The following FGD4 variants were observed in gnomAD, a reference collection of about 807,000 sequenced individuals.
FGD4 encodes FYVE, RhoGEF and PH domain-containing protein 4.
A neutral mutation model predicts 102.0 loss-of-function variants in FGD4; 42 were observed. The observed-to-expected ratio is 0.41, with a 90% confidence interval of 0.32 to 0.53. FGD4 has a LOEUF of 0.53. FGD4 is among the 20% of genes least tolerant of loss of function. The pLI is 0.21. For missense variants in FGD4, 902 were observed against 1,078.2 expected (o/e 0.84, Z 2.29); for synonymous variants, 380 against 375.7 (o/e 1.01, Z -0.13).
At chr12:32,526,112 C>T (rs1015510749) in intron 1 of FGD4, among the ~76,000 whole-genome samples, 7 of 152,238 alleles carry the variant, frequency 4.6e-5, no homozygotes, top group African/African-American at 1.7e-4. Context: ...GCGGGATCCA[C>T]TAGGTGAAGC....
chr12:32,601,537 T>G (rs767128303), intron 6 of FGD4, 114 bp downstream of exon 6: 1 of 1,283,602 alleles, frequency 7.8e-7, no homozygotes, highest in African/African-American at 1.5e-5. Flanking sequence ...TATGCTAAAT[T>G]TTTACATTAA....
rs1435008687 is a variant in FGD4 at position 32,453,228 on chromosome 12, T to TAG, written c.166+53270_166+53271insGA. On this transcript the variant is annotated intron_variant, in intron 1 of 16. Transcript: ENST00000534526. Reference sequence around the variant, plus strand: ...TATATATATATATATATAATATAGATATATATATATTTTTTTTTTTTTAAA... The same window carrying TAG: ...TATATATATATATATATAATATAGATAGATATATATATTTTTTTTTTTTTAAA... 2.7e-3 allele frequency among the ~76,000 whole-genome samples: 140 copies of TAG among 51,848 alleles called. 1 individual carries two copies. Among genetic ancestry groups the TAG allele is most frequent in the African/African-American group, 0.01 (136 of 13,290 alleles). The allele number at this position is 51,848 out of a possible 152,430, so 34.0% of individuals were successfully genotyped here. A position where few individuals can be genotyped will look rare whatever the true frequency, so the allele number is the denominator to read the frequency against.
chr12:32,412,899 ATTTTT>A (rs869107334), intron 1 of FGD4, among the ~76,000 whole-genome samples: 52 of 86,988 alleles, frequency 6.0e-4, no homozygotes, highest in African/African-American at 2.3e-3. Flanking sequence ...TTTTCTAGAA[ATTTTT>A]TTTTTTTTTT....
chr12:32,489,671 A>G (rs1944024569), intron 1 of FGD4, among the ~76,000 whole-genome samples: 2 of 152,206 alleles, frequency 1.3e-5, no homozygotes, highest in African/African-American at 4.8e-5. Flanking sequence ...ACAGGTGCTT[A>G]TTGAGCACCT....
chr12:32,507,889 C>G (rs1317138905), intron 1 of FGD4, among the ~76,000 whole-genome samples: 2 of 152,170 alleles, frequency 1.3e-5, no homozygotes, highest in African/African-American at 4.8e-5. Flanking sequence ...GTAATAATCC[C>G]TGAATGTTGA....
chr12:32,576,508 A>C (rs1946139290), intron 3 of FGD4, 59 bp downstream of exon 3: 2 of 1,559,664 alleles, frequency 1.3e-6, no homozygotes, highest in Non-Finnish European at 1.8e-6. Flanking sequence ...TTTTCGAAAA[A>C]ATGATAGTCA....
intron 1 of FGD4, among the ~76,000 whole-genome samples, chr12:32,528,932 T>C (rs376833470): frequency 6.6e-6 from 1 of 152,140 alleles, no homozygotes; most frequent in East Asian, 1.9e-4. Flanking sequence ...AAAGAGGTGA[T>C]AGAAAACTTT....
At chr12:32,596,690 C>T (rs796814128) in intron 4 of FGD4, among the ~76,000 whole-genome samples, 1 of 151,626 alleles carries the variant, frequency 6.6e-6, no homozygotes, top group Non-Finnish European at 1.5e-5. Context: ...AATCCCAGCA[C>T]TTTGCGGGGC....
chr12:32,571,850 G>C (rs73100149), intron 2 of FGD4, among the ~76,000 whole-genome samples: 26,495 of 152,076 alleles, frequency 0.17, 2,504 homozygotes, highest in Middle Eastern at 0.23. Flanking sequence ...GGCTGCATAG[G>C]GGGTGGGAGA....
At chr12:32,459,007 T>C (rs1425405349) in intron 1 of FGD4, among the ~76,000 whole-genome samples, 3 of 152,160 alleles carry the variant, frequency 2.0e-5, no homozygotes, top group Admixed American at 2.0e-4. Flanking sequence ...CCTTTCCTCA[T>C]GTAACTGGCT....
intron 5 of FGD4, among the ~76,000 whole-genome samples, chr12:32,599,534 C>CT (rs764106230): frequency 0.32 from 11,280 of 35,142 alleles, 4,493 homozygotes; most frequent in Non-Finnish European, 0.42. Flanking sequence ...ACTAAGGCAT[C>CT]TTTTTTTTTT....
intron 1 of FGD4, among the ~76,000 whole-genome samples, chr12:32,445,810 T>A (rs1942594364): frequency 6.6e-6 from 1 of 152,140 alleles, no homozygotes; most frequent in Admixed American, 6.5e-5. Context: ...TGGAACAAAT[T>A]TGCAAGAAAA....
chr12:32,635,197 A>T (rs10771969), intron 15 of FGD4, among the ~76,000 whole-genome samples: 40,423 of 152,038 alleles, frequency 0.27, 5,692 homozygotes, highest in South Asian at 0.41. Flanking sequence ...CGTATGGCCT[A>T]CCAAACTGGG....
At chr12:32,627,956 G>C (rs565568698) in intron 14 of FGD4, among the ~76,000 whole-genome samples, 1 of 152,274 alleles carries the variant, frequency 6.6e-6, no homozygotes, top group Non-Finnish European at 1.5e-5. Flanking sequence ...CAATGAATTA[G>C]AAATAAGAGA....
At chr12:32,580,748 G>A (rs888003656) in intron 3 of FGD4, among the ~76,000 whole-genome samples, 2 of 152,150 alleles carry the variant, frequency 1.3e-5, no homozygotes, top group South Asian at 2.1e-4. Context: ...TTAGCCGGGC[G>A]TGGTGGCGGG....
intron 3 of FGD4, among the ~76,000 whole-genome samples, chr12:32,580,999 C>CT (rs1355994657): frequency 1.3e-5 from 2 of 151,928 alleles, no homozygotes; most frequent in African/African-American, 2.4e-5. Context: ...GTAATAAGGA[C>CT]TTTAAAGAAA....
At chr12:32,470,143 G>T (rs1412463398) in intron 1 of FGD4, among the ~76,000 whole-genome samples, 3 of 152,008 alleles carry the variant, frequency 2.0e-5, no homozygotes, top group African/African-American at 7.3e-5. Flanking sequence ...TATCCTGTGC[G>T]AATTAGAATA....
At chr12:32,475,818 C>T (rs1249113066) in intron 1 of FGD4, among the ~76,000 whole-genome samples, 1 of 152,158 alleles carries the variant, frequency 6.6e-6, no homozygotes, top group Non-Finnish European at 1.5e-5. Context: ...TGATCTTTGC[C>T]CTAAGGCCAT....
chr12:32,540,456 GGAATGGAGAAGATGA>G (rs1210898734), intron 1 of FGD4, among the ~76,000 whole-genome samples: 1 of 152,104 alleles, frequency 6.6e-6, no homozygotes, highest in Non-Finnish European at 1.5e-5. Flanking sequence ...GTGTTTTCCA[GGAATGGAGAAGATGA>G]GAATGTGGCT....
Sources: gnomAD v4.1 joint callset for allele counts (sites outside exome capture counted in the v4.1 genomes callset) on GRCh38, gnomAD v4.1.1 for gene constraint, MANE v1.5 for transcripts, NCBI Gene and HGNC (gene_info 2026-07-23, HGNC 2026-07-21) for gene names.